The following CCNY variants were observed in gnomAD, a reference collection of about 807,000 sequenced individuals.
The protein encoded by CCNY is cyclin Y, also known as cyclin-Y.
CCNY carries 19 observed loss-of-function variants against 42.8 expected under a neutral mutation model. That is an observed-to-expected ratio of 0.44 (90% CI 0.31 to 0.65). The LOEUF is 0.65. Ranked by LOEUF, CCNY falls within the 30% of genes least tolerant of loss-of-function variation. The probability of loss-of-function intolerance (pLI) is 0.07; values close to 1 mark genes in which losing one functional copy is unlikely to be tolerated. For synonymous variants in CCNY, 165 were observed against 162.7 expected (o/e 1.01, Z -0.11); for missense variants, 370 against 437.3 (o/e 0.85, Z 1.37).
rs755443366 is a variant in CCNY, at chr10:35,303,777, C to CAAA, written c.-9+53172_-9+53174dup. ...GGGCGACAACAGCGAAACTCCGTCTCAAAAAAAAAAAAAAAAAAAAAAAGA... is the reference window on the plus strand; with the variant it reads ...GGGCGACAACAGCGAAACTCCGTCTCAAAAAAAAAAAAAAAAAAAAAAAAAAGA... On this transcript the variant is annotated intron_variant, in intron 3 of 11. Coordinates refer to the CCNY transcript ENST00000374706. Among the ~76,000 whole-genome samples the CAAA allele has an allele frequency of 2.7e-3, 129 of 48,074 alleles. 1 individual carries two copies. The highest frequency in any genetic ancestry group is 3.6e-3 in the African/African-American group (55 of 15,484). The allele number at this position is 48,074 out of a possible 152,430, so 31.5% of individuals were successfully genotyped here. A position where few individuals can be genotyped will look rare whatever the true frequency, so the allele number is the denominator to read the frequency against.
intron 1 of CCNY, among the ~76,000 whole-genome samples, chr10:35,406,437 G>A (rs1837773877): frequency 6.6e-6 from 1 of 151,698 alleles, no homozygotes; most frequent in African/African-American, 2.4e-5. Flanking sequence ...GACTCTCAAC[G>A]AGCATGCTGC....
chr10:35,470,111 G>GGAGA (rs1298010779), intron 1 of CCNY, among the ~76,000 whole-genome samples: 2 of 147,598 alleles, frequency 1.4e-5, no homozygotes, highest in Non-Finnish European at 3.0e-5. Context: ...ACAGGGAGAT[G>GGAGA]GAGAGAGAAA....
At chr10:35,298,048 CA>C (rs1297900850) in intron 3 of CCNY, among the ~76,000 whole-genome samples, 1 of 149,796 alleles carries the variant, frequency 6.7e-6, no homozygotes, top group African/African-American at 2.4e-5. Flanking sequence ...GAATTCTAAG[CA>C]AAAAGAACAA....
intron 7 of CCNY, among the ~76,000 whole-genome samples, chr10:35,545,519 T>C (rs935400529): frequency 6.6e-6 from 1 of 152,206 alleles, no homozygotes; most frequent in African/African-American, 2.4e-5. Flanking sequence ...AAGTTTCCCC[T>C]TTATGTAAGG....
intron 1 of CCNY, among the ~76,000 whole-genome samples, chr10:35,453,997 T>G (rs1170365664): frequency 1.3e-5 from 2 of 152,230 alleles, no homozygotes; most frequent in Non-Finnish European, 1.5e-5. Context: ...TAAATGGATT[T>G]CATAATCTCC....
chr10:35,364,747 A>G lies in CCNY; in HGVS notation c.154+27540A>G, dbSNP rs116423656. ...AGTGTTTTTTTCAGAAGTTTGAGTT[A>G]TTTATGGATTAGCCTAATAGCTCAT... On this transcript the variant is annotated intron_variant, in intron 1 of 9. Coordinates refer to ENST00000374704, the MANE Select transcript of CCNY (RefSeq NM_145012.6). Among the ~76,000 whole-genome samples, 1,074 of 152,132 alleles carry G rather than the reference A, an allele frequency of 7.1e-3. 11 individuals carry two copies. The highest frequency in any genetic ancestry group is 0.025 in the African/African-American group (1,025 of 41,488).
At chr10:35,346,041 G>GGCTT (rs1339083573) in intron 1 of CCNY, among the ~76,000 whole-genome samples, 4 of 152,014 alleles carry the variant, frequency 2.6e-5, no homozygotes, top group Non-Finnish European at 5.9e-5. Flanking sequence ...CTGGAGCCAG[G>GGCTT]GCTTGCTTGC....
In CCNY at chr10:35,506,173, T is replaced by A. The variant is rs532283264; in HGVS notation, c.264+4638T>A. Among the ~76,000 whole-genome samples, 20 of 152,352 alleles carry A rather than the reference T, an allele frequency of 1.3e-4. No homozygotes were observed. The South Asian group carries it at 4.1e-3, about 32-fold the overall frequency. ...TGGAGGATGTGAAAGAAGACTAAGT[T>A]TTTAAAATATCAGTAAAAATTTTAA... On this transcript the variant is annotated intron_variant, in intron 3 of 9. Transcript: ENST00000374704.
At chr10:35,396,194 T>C (rs534939635) in intron 1 of CCNY, among the ~76,000 whole-genome samples, 1 of 152,326 alleles carries the variant, frequency 6.6e-6, no homozygotes, top group African/African-American at 2.4e-5. Context: ...TTTATACTCA[T>C]GGTGGTAGGA....
chr10:35,433,343 T>G (rs1006008548), intron 1 of CCNY, among the ~76,000 whole-genome samples: 1 of 152,202 alleles, frequency 6.6e-6, no homozygotes, highest in African/African-American at 2.4e-5. Context: ...CCTAGAATGT[T>G]TTTCAGCCTT....
chr10:35,304,307 T>C (rs540527099), intron 3 of CCNY, among the ~76,000 whole-genome samples: 1 of 108,440 alleles, frequency 9.2e-6, no homozygotes, highest in African/African-American at 4.6e-5. Context: ...TTTTTTTTTT[T>C]TTTATTTTTT....
chr10:35,373,289 C>T (rs1340217506), intron 1 of CCNY, among the ~76,000 whole-genome samples: 1 of 152,100 alleles, frequency 6.6e-6, no homozygotes, highest in African/African-American at 2.4e-5. Flanking sequence ...GAGACAAAGC[C>T]TGTAAAGCAT....
At chr10:35,414,448 G>A (rs919522014) in intron 1 of CCNY, among the ~76,000 whole-genome samples, 1 of 152,246 alleles carries the variant, frequency 6.6e-6, no homozygotes, top group African/African-American at 2.4e-5. Context: ...AAGCCAGCCA[G>A]AGAGAGACAA....
chr10:35,529,897 T>A, intron 5 of CCNY, 76 bp from the exon 6 acceptor site: 1 of 1,379,922 alleles, frequency 7.2e-7, no homozygotes, highest in Non-Finnish European at 1.0e-6. Flanking sequence ...GTCATTGAAT[T>A]AAAATGTATT....
intron 4 of CCNY, among the ~76,000 whole-genome samples, chr10:35,525,223 C>T (rs893892596): frequency 2.0e-5 from 3 of 152,086 alleles, no homozygotes; most frequent in African/African-American, 7.2e-5. Context: ...TGACTCCTTA[C>T]ACACATAATT....
At chr10:35,539,464 A>G (rs1345388773) in intron 7 of CCNY, among the ~76,000 whole-genome samples, 1 of 152,134 alleles carries the variant, frequency 6.6e-6, no homozygotes, top group Non-Finnish European at 1.5e-5. Context: ...TATAGTTTTC[A>G]GTATACAAAT....
At chr10:35,552,447 G>T (rs1430829217) in intron 7 of CCNY, among the ~76,000 whole-genome samples, 1 of 152,166 alleles carries the variant, frequency 6.6e-6, no homozygotes, top group Non-Finnish European at 1.5e-5. Flanking sequence ...GGTGATGGTT[G>T]CACAGCAGTG....
chr10:35,535,823 T>A (rs1033206437), intron 7 of CCNY, among the ~76,000 whole-genome samples: 2 of 152,216 alleles, frequency 1.3e-5, no homozygotes, highest in Non-Finnish European at 2.9e-5. Context: ...AAAATGGCTC[T>A]GCCATTTTAT....
At chr10:35,495,164 GT>G (rs1482376337) in intron 2 of CCNY, among the ~76,000 whole-genome samples, 2 of 152,172 alleles carry the variant, frequency 1.3e-5, no homozygotes, top group African/African-American at 4.8e-5. Context: ...GTGTGTGTAT[GT>G]TTTATGTATC....
Sources: allele counts gnomAD v4.1 joint callset (sites outside exome capture counted in the v4.1 genomes callset), GRCh38; gene constraint gnomAD v4.1.1; transcripts MANE v1.5; gene names NCBI Gene and HGNC (gene_info 2026-07-23, HGNC 2026-07-21).